Variants in UTRN observed in about 807,000 individuals in gnomAD.
The protein encoded by UTRN is utrophin, also known as dystrophin-related protein 1.
A neutral mutation model predicts 463.9 loss-of-function variants in UTRN; 283 were observed. The ratio of observed to expected loss-of-function variants is 0.61; its 90% CI spans 0.55 to 0.67. The LOEUF is 0.67. UTRN is among the 30% of genes least tolerant of loss of function. UTRN has a pLI of 0.00. For synonymous variants in UTRN, 1,442 were observed against 1,431.5 expected (o/e 1.01, Z -0.17); for missense variants, 3,922 against 4,084.3 (o/e 0.96, Z 1.08).
At chr6:144,480,617 C>T (rs1584955890) in intron 26 of UTRN, among the ~76,000 whole-genome samples, 1 of 152,162 alleles carries the variant, frequency 6.6e-6, no homozygotes. Flanking sequence ...TTGTACTCCT[C>T]TGTCGATAGT....
At chr6:144,326,626 A>G (rs7745998) in intron 2 of UTRN, among the ~76,000 whole-genome samples, 16,194 of 152,184 alleles carry the variant, frequency 0.11, 2,564 homozygotes, top group African/African-American at 0.33. Context: ...TCCTGAATGA[A>G]TACTAGGAGC....
At chr6:144,520,933 G>A (rs909849326) in intron 39 of UTRN, among the ~76,000 whole-genome samples, 2 of 152,066 alleles carry the variant, frequency 1.3e-5, no homozygotes, top group African/African-American at 4.8e-5. Flanking sequence ...AGGAGTAAAG[G>A]GTTTGAACTC....
intron 2 of UTRN, among the ~76,000 whole-genome samples, chr6:144,348,170 A>G (rs532746706): frequency 6.6e-6 from 1 of 152,250 alleles, no homozygotes; most frequent in Non-Finnish European, 1.5e-5. Context: ...AAGGAGCTCA[A>G]GTCTTTTGTG....
At chr6:144,537,779 A>T (rs988491033) in intron 44 of UTRN, 62 bp downstream of exon 44, 23 of 1,547,624 alleles carry the variant, frequency 1.5e-5, no homozygotes, top group African/African-American at 2.8e-5. Context: ...TCAGAGTCAC[A>T]TACTGCGTGT....
intron 30 of UTRN, 106 bp from the exon 31 acceptor site, chr6:144,489,965 A>G: frequency 6.8e-7 from 1 of 1,462,186 alleles, no homozygotes; most frequent in South Asian, 1.2e-5. Context: ...ATTATGTAAA[A>G]TACGATATCA....
In UTRN at chr6:144,812,486, G is replaced by C. The variant is rs1479006935; in HGVS notation, c.9358-8396G>C. On this transcript the variant is annotated intron_variant, in intron 65 of 74. Transcript: ENST00000367545. ...TGCTTTTGAAGTTCAGTAGTGCATAGATTTCAGCATAAAGTAAGATTATAC... is the reference window on the plus strand; with the variant it reads ...TGCTTTTGAAGTTCAGTAGTGCATACATTTCAGCATAAAGTAAGATTATAC... Among the ~76,000 whole-genome samples, 3 of 152,270 alleles carry C rather than the reference G, an allele frequency of 2.0e-5. No individual in the cohort carries two copies. In the East Asian group the frequency reaches 5.8e-4, roughly 29 times the overall value.
intron 51 of UTRN, among the ~76,000 whole-genome samples, chr6:144,675,413 C>T (rs1781490826): frequency 6.6e-6 from 1 of 152,200 alleles, no homozygotes; most frequent in Admixed American, 6.6e-5. Context: ...TGGTTTAGTG[C>T]TCTGGTTTTC....
intron 58 of UTRN, among the ~76,000 whole-genome samples, chr6:144,767,122 T>C (rs151160219): frequency 6.6e-6 from 1 of 152,150 alleles, no homozygotes; most frequent in African/African-American, 2.4e-5. Flanking sequence ...ATAGCAGTAG[T>C]GAATTTCTGT....
chr6:144,782,012 T>C lies in UTRN; in HGVS notation c.8723T>C (p.Ile2908Thr), dbSNP rs1393772754. 1.2e-6 allele frequency: 2 copies of C among 1,614,056 alleles called. No homozygotes were observed. The highest frequency in any genetic ancestry group is 1.7e-6 in the Non-Finnish European group (2 of 1,179,962). Residue 2908 changes from isoleucine to threonine, a missense_variant, in exon 61 of 75, where the codon ATC (isoleucine) becomes ACC (threonine). Coordinates refer to ENST00000367545, the MANE Select transcript of UTRN (RefSeq NM_007124.3). ...CAGCTCCTCAGTGTTCCAGATGTCA[T>C]CAACTGTCTGACAACAACTTATGAT... ...NDQLLSVPDVINCLTTTYDGL... is the reference protein window; with the variant it reads ...NDQLLSVPDVTNCLTTTYDGL...
intron 58 of UTRN, among the ~76,000 whole-genome samples, chr6:144,760,010 TA>T (rs916343433): frequency 7.9e-5 from 12 of 152,134 alleles, no homozygotes; most frequent in Admixed American, 2.6e-4. Flanking sequence ...TTTTACTAAA[TA>T]AAAAAAATTA....
At chr6:144,847,044 T>G (rs1782082522) in intron 74 of UTRN, among the ~76,000 whole-genome samples, 1 of 152,260 alleles carries the variant, frequency 6.6e-6, no homozygotes, top group Non-Finnish European at 1.5e-5. Flanking sequence ...TGTTTGATCC[T>G]TTGTGTTCTA....
chr6:144,303,441 G>A (rs7745952), intron 2 of UTRN, among the ~76,000 whole-genome samples: 9,198 of 152,188 alleles, frequency 0.06, 907 homozygotes, highest in African/African-American at 0.21. Flanking sequence ...CTGTAATTCA[G>A]ATTTTCAACA....
intron 2 of UTRN, among the ~76,000 whole-genome samples, chr6:144,325,633 G>A (rs571409150): frequency 1.7e-3 from 253 of 152,276 alleles, no homozygotes; most frequent in African/African-American, 5.8e-3. Flanking sequence ...GTTACAGCAC[G>A]TAAATTGATT....
chr6:144,576,336 A>G (rs1049716971), intron 50 of UTRN, among the ~76,000 whole-genome samples: 3 of 152,168 alleles, frequency 2.0e-5, no homozygotes, highest in Non-Finnish European at 4.4e-5. Context: ...GCTCTGAAGA[A>G]TATAAAGTTT....
chr6:144,714,056 C>T (rs749646676), intron 53 of UTRN, among the ~76,000 whole-genome samples: 12 of 151,942 alleles, frequency 7.9e-5, no homozygotes, highest in Non-Finnish European at 1.2e-4. Flanking sequence ...TGGGGTGGAA[C>T]CAAAATGAAT....
At chr6:144,586,120 T>C (rs1802440127) in intron 51 of UTRN, among the ~76,000 whole-genome samples, 2 of 152,096 alleles carry the variant, frequency 1.3e-5, no homozygotes, top group South Asian at 4.1e-4. Context: ...ACTTCTCTTG[T>C]TTGTCAGAAG....
chr6:144,695,115 A>G (rs1783852853), intron 52 of UTRN, among the ~76,000 whole-genome samples: 1 of 152,066 alleles, frequency 6.6e-6, no homozygotes, highest in Non-Finnish European at 1.5e-5. Flanking sequence ...ATAAAATGTC[A>G]TGGCAGGGAA....
Position 144,514,032 on chromosome 6 carries a change from G to T in UTRN, c.5068G>T (p.Val1690Leu). ...KKPTSKQEEIVKRLVSELDDA... is the reference protein window; with the variant it reads ...KKPTSKQEEILKRLVSELDDA... ...ACCAACAAGTAAACAGGAAGAAATT[G>T]TGAAGGTAGCAAACACAGACATCAG... Residue 1690 changes from valine (V) to leucine (L), a missense_variant, in exon 36 of 75, where the codon GTG becomes TTG. Transcript: ENST00000367545. 1 of 1,613,768 alleles carries T rather than the reference G, an allele frequency of 6.2e-7. No homozygotes were observed. The highest frequency in any genetic ancestry group is 8.5e-7 in the Non-Finnish European group (1 of 1,179,806).
chr6:144,473,656 T>C lies in UTRN; in HGVS notation c.3067-64T>C. ...GTTCCTTTGTTCCAGTGGCGGTAGA[T>C]CTTGAGATGTAGTAGGCTGAACGTC... On this transcript the variant is annotated intron_variant, in intron 23 of 74. Transcript: ENST00000367545. 4 of 1,267,274 alleles carry C rather than the reference T, an allele frequency of 3.2e-6. No homozygotes were observed. The South Asian group carries it at 4.1e-5, about 13-fold the overall frequency. The allele number at this position is 1,267,274 out of a possible 1,614,324, so 78.5% of individuals were successfully genotyped here. A position where few individuals can be genotyped will look rare whatever the true frequency, so the allele number is the denominator to read the frequency against.
Sources: allele counts gnomAD v4.1 joint callset (sites outside exome capture counted in the v4.1 genomes callset), GRCh38; gene constraint gnomAD v4.1.1; transcripts MANE v1.5; gene names NCBI Gene and HGNC (gene_info 2026-07-23, HGNC 2026-07-21).